Variants in STAP2 observed in about 807,000 individuals in gnomAD.
STAP2 encodes the protein signal transducing adaptor family member 2, also known as signal-transducing adaptor protein 2.
In STAP2, 58 loss-of-function variants were observed where a neutral mutation model predicts 52.7. That is an observed-to-expected ratio of 1.10 (90% CI 0.89 to 1.37). STAP2 has a LOEUF of 1.37. STAP2 is among the 40% of genes most tolerant of loss of function. The pLI, the probability that STAP2 is intolerant of heterozygous loss-of-function variation, is 0.00. For missense variants in STAP2, 522 were observed against 519.4 expected (o/e 1.00, Z -0.05); for synonymous variants, 231 against 210.5 (o/e 1.10, Z -0.84).
chr19:4,328,255 C>T, intron 6 of STAP2: 1 of 186,076 alleles, frequency 5.4e-6, no homozygotes, highest in African/African-American at 2.4e-5. Context: ...CCCTGCCCAG[C>T]TCTGACTCCG....
In STAP2 at chr19:4,325,403, G is replaced by A. The variant is rs1971774289; in HGVS notation, c.972C>T (p.Asn324=). 6.2e-7 allele frequency: 1 copy of A among 1,614,204 alleles called. No individual in the cohort carries two copies. The highest frequency in any genetic ancestry group is 2.2e-5 in the East Asian group (1 of 44,888). ...GCTCTGTTCCCCACCCACCATCTTGGTTCTCATAGTCAACAGCTGGGCCAT... is the reference window on the plus strand; with the variant it reads ...GCTCTGTTCCCCACCCACCATCTTGATTCTCATAGTCAACAGCTGGGCCAT... ...IGDGPAVDYE[N]QDVASSSWPV... The change falls in exon 10 of 13, where the codon AAC becomes AAT. Residue 324 remains asparagine (N), a synonymous_variant. Transcript: ENST00000594605.
chr19:4,334,087 C>G, intron 1 of STAP2, 43 bp from the exon 2 acceptor site: 1 of 1,559,484 alleles, frequency 6.4e-7, no homozygotes, highest in Non-Finnish European at 8.7e-7. Flanking sequence ...GCTGGCCAAG[C>G]TGAGTGCCTT....
At chr19:4,336,187 T>C (rs1166319999) in intron 1 of STAP2, among the ~76,000 whole-genome samples, 1 of 151,680 alleles carries the variant, frequency 6.6e-6, no homozygotes, top group African/African-American at 2.4e-5. Flanking sequence ...AATTTTTGTA[T>C]TTTTTAGTAG....
chr19:4,324,864 G>A, intron 11 of STAP2: 2 of 418,078 alleles, frequency 4.8e-6, no homozygotes, highest in Non-Finnish European at 4.4e-6. Flanking sequence ...GCTGGGTGCG[G>A]TGGCTCACGC....
At chr19:4,329,736 C>T (rs544125482) in intron 5 of STAP2, among the ~76,000 whole-genome samples, 3 of 152,212 alleles carry the variant, frequency 2.0e-5, no homozygotes, top group African/African-American at 4.8e-5. Context: ...CCACTGAAGA[C>T]CTTACCAGTC....
chr19:4,324,528 C>T lies in STAP2; in HGVS notation c.1074G>A (p.Glu358=), dbSNP rs779155142. ...CCAAGCCACCATTAAAGACTTTGGGCTCTGGAAGAGAAGACAGATGAGGCC... is the reference window on the plus strand; with the variant it reads ...CCAAGCCACCATTAAAGACTTTGGGTTCTGGAAGAGAAGACAGATGAGGCC... The part of the protein sequence containing the change: ...LPKPPVGPKP[E]PKVFNGGLGR... Residue 358 remains glutamate (E), a splice_region_variant and synonymous_variant, in exon 12 of 13, where the codon GAG becomes GAA. Coordinates refer to ENST00000594605, the MANE Select transcript of STAP2 (RefSeq NM_001013841.2). 7.0e-6 allele frequency: 11 copies of T among 1,566,542 alleles called. No individual in the cohort carries two copies. The highest frequency in any genetic ancestry group is 1.2e-5 in the South Asian group (1 of 85,412).
In STAP2 at chr19:4,333,755, C is replaced by A. The variant is rs769410783; in HGVS notation, c.236G>T (p.Ser79Ile). ...EKLTDEIPWG[S>I]SRDPGTHFSL... ...GAAGTGGGTGCCAGGGTCACGTGAG[C>A]TTCCCCAGGGAATCTCATCTGTGAG... Residue 79 changes from serine (S) to isoleucine (I), a missense_variant, in exon 3 of 13, where the codon AGC becomes ATC. By Grantham distance (142) the Ser-to-Ile change is moderately radical. Coordinates refer to ENST00000594605, the MANE Select transcript of STAP2 (RefSeq NM_001013841.2). 8 of 1,613,530 alleles carry A rather than the reference C, an allele frequency of 5.0e-6. No homozygotes were observed. The Admixed American group carries it at 8.3e-5, about 17-fold the overall frequency.
rs963229151 is a variant in STAP2 at position 4,329,872 on chromosome 19, C to G, written c.455+89G>C. 2.1e-5 allele frequency: 15 copies of G among 706,100 alleles called. No homozygotes were observed. In the African/African-American group the frequency reaches 2.8e-4, roughly 13 times the overall value. 43.7% of individuals were successfully genotyped at this position (706,100 alleles called of 1,614,324 possible). ...CTCATGCAAAATCCAAGACCCAACT[C>G]CAGGGGACCCAACTCACCGCCCACC... On this transcript the variant is annotated intron_variant, in intron 5 of 12. Coordinates refer to ENST00000594605, the MANE Select transcript of STAP2 (RefSeq NM_001013841.2).
intron 11 of STAP2, chr19:4,324,885 A>G (rs1009525546): frequency 4.8e-6 from 2 of 420,574 alleles, no homozygotes; most frequent in Admixed American, 7.7e-5. Context: ...CTGTAATCCC[A>G]GCACTTTGGG....
At chr19:4,334,809 T>TC (rs142294705) in intron 1 of STAP2, among the ~76,000 whole-genome samples, 14 of 69,858 alleles carry the variant, frequency 2.0e-4, no homozygotes, top group Admixed American at 4.7e-4. Context: ...CATCCCTCCA[T>TC]CATCCATCCA....
At position 4,332,376 on chromosome 19, in the gene STAP2, T is replaced by C. The variant is rs527342761; in HGVS notation, c.298-298A>G. Among the ~76,000 whole-genome samples the C allele has an allele frequency of 6.6e-5, 10 of 151,606 alleles. No individual in the cohort carries two copies. The South Asian group carries it at 2.1e-3, about 32-fold the overall frequency. ...GCATGCACCACCTCGCCCAGCTTTTTTTTTTTTCTCTTAGACATGAGGGTC... is the reference window on the plus strand; with the variant it reads ...GCATGCACCACCTCGCCCAGCTTTTCTTTTTTTCTCTTAGACATGAGGGTC... On this transcript the variant is annotated intron_variant, in intron 3 of 12. Coordinates refer to ENST00000594605, the MANE Select transcript of STAP2 (RefSeq NM_001013841.2).
intron 3 of STAP2, 82 bp from the exon 4 acceptor site, chr19:4,332,160 C>T (rs1971902286): frequency 8.7e-7 from 1 of 1,147,470 alleles, no homozygotes. Context: ...GGAAGAGTCC[C>T]TGCTTCAAAG....
chr19:4,332,105 C>T (rs745725803), intron 3 of STAP2, 27 bp from the exon 4 acceptor site: 10 of 1,601,978 alleles, frequency 6.2e-6, no homozygotes, highest in South Asian at 4.5e-5. Context: ...AGGAAAGAAT[C>T]CAAGTCAGTG....
At chr19:4,331,033 AACTTAGC>A (rs1971882162) in intron 4 of STAP2, among the ~76,000 whole-genome samples, 2 of 151,940 alleles carry the variant, frequency 1.3e-5, no homozygotes, top group South Asian at 4.1e-4. Flanking sequence ...AATTTTTAAA[AACTTAGC>A]ACTCTGTGGC....
chr19:4,337,673 A>C (rs59858111), intron 1 of STAP2, among the ~76,000 whole-genome samples: 62,111 of 151,496 alleles, frequency 0.41, 12,926 homozygotes, highest in East Asian at 0.61. Context: ...AAAATGAAAC[A>C]CTGTCTTTAC....
intron 8 of STAP2, 49 bp downstream of exon 8, chr19:4,327,075 G>A (rs768834423): frequency 3.1e-6 from 5 of 1,610,024 alleles, no homozygotes; most frequent in Non-Finnish European, 3.4e-6. Flanking sequence ...CCGAGCGGGG[G>A]CGGGAGAGGT....
At chr19:4,337,673 A>T (rs59858111) in intron 1 of STAP2, among the ~76,000 whole-genome samples, 1 of 151,484 alleles carries the variant, frequency 6.6e-6, no homozygotes, top group Non-Finnish European at 1.5e-5. Flanking sequence ...AAAATGAAAC[A>T]CTGTCTTTAC....
chr19:4,325,427 A>T lies in STAP2; in HGVS notation c.948T>A (p.Asp316Glu), dbSNP rs763573397. 4 of 1,614,166 alleles carry T rather than the reference A, an allele frequency of 2.5e-6. No individual in the cohort carries two copies. The highest frequency in any genetic ancestry group is 3.4e-6 in the Non-Finnish European group (4 of 1,180,036). Residue 316 changes from aspartate to glutamate, a missense_variant, in exon 10 of 13, where the codon GAT (aspartate) becomes GAA (glutamate). Physicochemically the swap from Asp to Glu is conservative, Grantham distance 45. Coordinates refer to ENST00000594605, the MANE Select transcript of STAP2 (RefSeq NM_001013841.2). ...GGTTCTCATAGTCAACAGCTGGGCC[A>T]TCTCCAATGGGGGTCACGTAGTTCT... ...QEENYVTPIG[D>E]GPAVDYENQD... is the part of the protein sequence containing the mutation.
chr19:4,327,100 C>T lies in STAP2; in HGVS notation c.763+24G>A, dbSNP rs374716018. ...GCGGGAGAGGTGAGCACTGGGCCCC[C>T]GAACTCCCCGAAGGGGCACCCACCT... On this transcript the variant is annotated intron_variant, in intron 8 of 12. Coordinates refer to ENST00000594605, the MANE Select transcript of STAP2 (RefSeq NM_001013841.2). 105 of 1,613,410 alleles carry T rather than the reference C, an allele frequency of 6.5e-5. No individual in the cohort carries two copies. In the African/African-American group the frequency reaches 1.2e-3, roughly 19 times the overall value.
Sources: allele counts gnomAD v4.1 joint callset (sites outside exome capture counted in the v4.1 genomes callset), GRCh38; gene constraint gnomAD v4.1.1; transcripts MANE v1.5; gene names NCBI Gene and HGNC (gene_info 2026-07-23, HGNC 2026-07-21).